UAP1L1: variants seen among roughly 807,000 people sequenced by gnomAD.
UAP1L1 encodes the protein UDP-N-acetylglucosamine pyrophosphorylase 1 like 1.
UAP1L1 carries 45 observed loss-of-function variants against 45.3 expected under a neutral mutation model. The observed-to-expected ratio is 0.99, with a 90% CI of 0.78 to 1.27. The LOEUF (loss-of-function observed/expected upper bound fraction) is 1.27, where lower values mean the gene tolerates loss of function less well. Among genes scored for constraint, UAP1L1 ranks in the 50% most tolerant of loss-of-function variants. The pLI, the probability that UAP1L1 is intolerant of heterozygous loss-of-function variation, is 0.00. For synonymous variants in UAP1L1, 323 were observed against 303.9 expected, an observed-to-expected ratio of 1.06 and a Z score of -0.65; for missense variants, 667 against 694.0, an observed-to-expected ratio of 0.96 and a Z score of 0.44.
At chr9:137,079,553 T>C in intron 5 of UAP1L1, 104 bp downstream of exon 5, 1 of 1,144,012 alleles carries the variant, frequency 8.7e-7, no homozygotes, top group Non-Finnish European at 1.2e-6. Flanking sequence ...ACAGCGGCTG[T>C]GGTCAGGAGT....
At position 137,082,516 on chromosome 9, in the gene UAP1L1, C is replaced by A; in HGVS notation, c.1432-121C>A. On this transcript the variant is annotated intron_variant, in intron 8 of 8. Coordinates refer to ENST00000409858, the MANE Select transcript of UAP1L1 (RefSeq NM_207309.3). This position sits in a 1 kb window ranked among gnomAD's most constrained non-coding sequence, Gnocchi z 5.7. The stretch of plus-strand genomic sequence containing the variant: ...GCCCTGGAAGCCTTTCTGTCCCCAC[C>A]CCTCCCTGACTCCAGGCAGACCTGG... 1.3e-6 allele frequency: 1 copy of A among 794,946 alleles called. No homozygotes were observed. Among genetic ancestry groups the A allele is most frequent in the Non-Finnish European group, 2.1e-6 (1 of 484,978 alleles). 49.2% of individuals were successfully genotyped at this position (794,946 alleles called of 1,614,324 possible).
chr9:137,079,175 G>T, intron 4 of UAP1L1, 27 bp downstream of exon 4: 1 of 1,596,394 alleles, frequency 6.3e-7, no homozygotes, highest in South Asian at 1.1e-5. Context: ...GCGGCGCCCC[G>T]CACCCGAGGC....
chr9:137,081,894 G>A (rs1463673232), intron 7 of UAP1L1, 104 bp from the exon 8 acceptor site: 8 of 1,080,304 alleles, frequency 7.4e-6, no homozygotes, highest in Non-Finnish European at 8.6e-6. Context: ...GGAGCTGTGG[G>A]GAGCCAGGTG....
intron 7 of UAP1L1, 54 bp from the exon 8 acceptor site, chr9:137,081,944 G>T (rs906227730): frequency 1.3e-6 from 2 of 1,575,378 alleles, no homozygotes; most frequent in African/African-American, 2.7e-5. Context: ...GGGTGCTGGG[G>T]GAGGGCTCTG....
chr9:137,082,138 C>A lies in UAP1L1; in HGVS notation c.1431+74C>A. Reference sequence around the variant, plus strand: ...AATACCATCTGGGGAGAGGTGGCTGCTCGGGTGGAGACGGCACAGCTCTAC... The same window carrying A: ...AATACCATCTGGGGAGAGGTGGCTGATCGGGTGGAGACGGCACAGCTCTAC... On this transcript the variant is annotated intron_variant, in intron 8 of 8. Transcript: ENST00000409858. The surrounding 1 kb of genome is among the most constrained non-coding windows in gnomAD (Gnocchi z 5.7). 1 of 1,454,434 alleles carries A rather than the reference C, an allele frequency of 6.9e-7. No homozygotes were observed. Among genetic ancestry groups the A allele is most frequent in the Non-Finnish European group, 9.7e-7 (1 of 1,034,656 alleles). 90.1% of individuals were successfully genotyped at this position (1,454,434 alleles called of 1,614,324 possible).
chr9:137,079,607 T>G, intron 5 of UAP1L1, 158 bp downstream of exon 5: 1 of 686,062 alleles, frequency 1.5e-6, no homozygotes, highest in Non-Finnish European at 2.4e-6. Context: ...GGAGAATGGA[T>G]CCTGAGCTTG....
intron 5 of UAP1L1, chr9:137,079,749 G>A (rs1168211924): frequency 1.7e-6 from 1 of 600,728 alleles, no homozygotes; most frequent in African/African-American, 1.9e-5. Context: ...CCTCTGCTCT[G>A]GGGCTTGCCA....
In UAP1L1 at chr9:137,082,637, G is replaced by T; in HGVS notation, c.1432G>T (p.Gly478Cys). Residue 478 changes from glycine (G) to cysteine (C), a missense_variant and splice_region_variant, in exon 9 of 9, where the codon GGT becomes TGT. By Grantham distance (159) the Gly-to-Cys change is radical. Transcript: ENST00000409858. This position sits in a 1 kb window ranked among gnomAD's most constrained non-coding sequence, Gnocchi z 5.7. The stretch of plus-strand genomic sequence containing the variant: ...GCCATTGTCCCCTGCTCGTCTCCAG[G>T]GTTTAGAAGTGTACCTGCAAGGCCG... The part of the protein sequence containing the change: ...ISPLVSYSGE[G>C]LEVYLQGREF... The T allele has an allele frequency of 6.4e-7, 1 of 1,551,724 alleles. No homozygotes were observed. Among genetic ancestry groups the T allele is most frequent in the Non-Finnish European group, 8.7e-7 (1 of 1,147,052 alleles).
intron 7 of UAP1L1, 78 bp from the exon 8 acceptor site, chr9:137,081,920 C>G: frequency 1.5e-6 from 2 of 1,357,844 alleles, no homozygotes; most frequent in Non-Finnish European, 2.1e-6. Context: ...AGCTCAGTCT[C>G]CTATCGGGAC....
rs1433554285 is a variant in UAP1L1, at chr9:137,080,253, G to A, written c.1178+111G>A. 2.0e-5 allele frequency: 29 copies of A among 1,424,282 alleles called. 1 individual carries two copies. Among genetic ancestry groups the A allele is most frequent in the South Asian group, 6.5e-5 (5 of 77,076 alleles). The allele number at this position is 1,424,282 out of a possible 1,614,324, so 88.2% of individuals were successfully genotyped here. A position where few individuals can be genotyped will look rare whatever the true frequency, so the allele number is the denominator to read the frequency against. On this transcript the variant is annotated intron_variant, in intron 6 of 8. Transcript: ENST00000409858. ...GAGGCTTGAGGGAGCCAAGGGCCCC[G>A]CGGGCAAGTCTCAGGGAGAAGACCA...
Position 137,080,879 on chromosome 9 carries a change from G to A in UAP1L1, c.1364+5G>A, listed in dbSNP as rs368082110. On this transcript the variant is annotated splice_donor_5th_base_variant and intron_variant, in intron 7 of 8. Transcript: ENST00000409858. ...CTGGCTCCCAGAGCTGCCCAGGTGAGTGTGGCCCTGGGGTAGCTACAGCCA... is the reference window on the plus strand; with the variant it reads ...CTGGCTCCCAGAGCTGCCCAGGTGAATGTGGCCCTGGGGTAGCTACAGCCA... 1 of 1,577,776 alleles carries A rather than the reference G, an allele frequency of 6.3e-7. No individual in the cohort carries two copies.
chr9:137,081,021 GC>G, intron 7 of UAP1L1, 147 bp downstream of exon 7: 2 of 819,770 alleles, frequency 2.4e-6, no homozygotes, highest in Non-Finnish European at 3.7e-6. Context: ...GTAGCCTTGT[GC>G]CCAGCCAGCT....
chr9:137,079,050 T>C lies in UAP1L1; in HGVS notation c.745T>C (p.Phe249Leu), dbSNP rs1334801759. The change falls in exon 4 of 9, where the codon TTT becomes CTT. Residue 249 changes from phenylalanine to leucine, a missense_variant. Physicochemically the swap from Phe to Leu is conservative, Grantham distance 22. Transcript: ENST00000409858. ...GGACATGGAGCGCCGGGGAGTGGAGTTTGTGCACGTGTACTGTGTGGACAA... is the reference window on the plus strand; with the variant it reads ...GGACATGGAGCGCCGGGGAGTGGAGCTTGTGCACGTGTACTGTGTGGACAA... ...LEDMERRGVE[F>L]VHVYCVDNIL... is the part of the protein sequence containing the mutation. 6.2e-7 allele frequency: 1 copy of C among 1,607,674 alleles called. No individual in the cohort carries two copies. The highest frequency in any genetic ancestry group is 1.1e-5 in the South Asian group (1 of 90,134).
chr9:137,078,863 A>AG, intron 3 of UAP1L1, 113 bp from the exon 4 acceptor site: 3 of 1,380,150 alleles, frequency 2.2e-6, no homozygotes, highest in Non-Finnish European at 2.9e-6. Context: ...GTTAGTGACC[A>AG]GGGCTGCCTT....
chr9:137,079,212 C>T (rs1480352476), intron 4 of UAP1L1, 44 bp from the exon 5 acceptor site: 1 of 1,594,080 alleles, frequency 6.3e-7, no homozygotes, highest in African/African-American at 1.3e-5. Flanking sequence ...GGAGCCCCGC[C>T]CCTCCGCCCA....
chr9:137,078,578 C>G lies in UAP1L1; in HGVS notation c.571C>G (p.Pro191Ala). 1 of 1,613,218 alleles carries G rather than the reference C, an allele frequency of 6.2e-7. No individual in the cohort carries two copies. ...GGAGCACAACTTCTTCCACCTGGAC[C>G]CCGCCAACGTGGTCATGTTTGAGCA... is the stretch of plus-strand genomic sequence containing the variant. ...FREHNFFHLD[P>A]ANVVMFEQRL... The change falls in exon 3 of 9, where the codon CCC becomes GCC. Residue 191 changes from proline (P) to alanine (A), a missense_variant. Physicochemically the swap from Pro to Ala is conservative, Grantham distance 27. Coordinates refer to ENST00000409858, the MANE Select transcript of UAP1L1 (RefSeq NM_207309.3).
Position 137,079,315 on chromosome 9 carries a change from C to T in UAP1L1, c.903C>T (p.Val301=), listed in dbSNP as rs1232832509. ...PVGVVCQVDG[V]PQVVEYSEIS... is the part of the protein sequence containing the mutation. ...GCGTGGTGTGCCAGGTGGACGGTGT[C>T]CCCCAGGTGGTGGAGTACAGCGAGA... is the stretch of plus-strand genomic sequence containing the variant. The change falls in exon 5 of 9, where the codon GTC becomes GTT. Residue 301 remains valine, a synonymous_variant. Coordinates refer to ENST00000409858, the MANE Select transcript of UAP1L1 (RefSeq NM_207309.3). 6.2e-7 allele frequency: 1 copy of T among 1,613,156 alleles called. No individual in the cohort carries two copies. Among genetic ancestry groups the T allele is most frequent in the South Asian group, 1.1e-5 (1 of 91,070 alleles).
chr9:137,077,521 G>T lies in UAP1L1; in HGVS notation c.-12G>T, dbSNP rs775426673. On this transcript the variant is annotated 5_prime_UTR_variant, in exon 1 of 9. Transcript: ENST00000409858. This position sits in a 1 kb window ranked among gnomAD's most constrained non-coding sequence, Gnocchi z 4.7. Reference sequence around the variant, plus strand: ...GGTCACGAGTGCCGACTTGACAGACGGCAGCGGCGACATGGCTTCGGAGCA... The same window carrying T: ...GGTCACGAGTGCCGACTTGACAGACTGCAGCGGCGACATGGCTTCGGAGCA... 2 of 1,356,862 alleles carry T rather than the reference G, an allele frequency of 1.5e-6. No homozygotes were observed. Among genetic ancestry groups the T allele is most frequent in the African/African-American group, 1.5e-5 (1 of 65,196 alleles). The allele number at this position is 1,356,862 out of a possible 1,614,324, so 84.1% of individuals were successfully genotyped here.
chr9:137,079,129 GC>G lies in UAP1L1; in HGVS notation c.825del (p.Ala276GlnfsTer77). 6.2e-7 allele frequency: 1 copy of G among 1,611,262 alleles called. No individual in the cohort carries two copies. The highest frequency in any genetic ancestry group is 8.5e-7 in the Non-Finnish European group (1 of 1,179,444). On this transcript the variant is annotated frameshift_variant, in exon 4 of 9. Transcript: ENST00000409858. LOFTEE classifies it high-confidence loss of function. ...PVFIGFCVLQ[G>X]ADCGAKVVEK... ...TTCATCGGCTTCTGTGTGTTGCAGGGCGCAGACTGTGGCGCCAAGGTTAGCG... is the reference window on the plus strand; with the variant it reads ...TTCATCGGCTTCTGTGTGTTGCAGGGGCAGACTGTGGCGCCAAGGTTAGCG...
Sources: gnomAD v4.1 joint callset for allele counts on GRCh38, gnomAD v4.1.1 for gene constraint, Gnocchi (gnomAD v3.1) non-coding constraint, MANE v1.5 for transcripts, NCBI Gene and HGNC (gene_info 2026-07-23, HGNC 2026-07-21) for gene names.